The following DNAH14 variants were observed in gnomAD, a reference collection of about 807,000 sequenced individuals.
DNAH14 encodes axonemal beta dynein heavy chain 14.
In DNAH14, 478 loss-of-function variants were observed where a neutral mutation model predicts 520.9. That is an observed-to-expected ratio of 0.92 (90% CI 0.85 to 0.99). The LOEUF is 0.99. DNAH14 is among the 50% of genes least tolerant of loss of function. The pLI, the probability that DNAH14 is intolerant of heterozygous loss-of-function variation, is 0.00. For missense variants in DNAH14, 4,831 were observed against 5,234.5 expected, an observed-to-expected ratio of 0.92 and a Z score of 2.38; for synonymous variants, 1,581 against 1,757.2, an observed-to-expected ratio of 0.90 and a Z score of 2.51.
In DNAH14 at chr1:225,377,031, T is replaced by G. The variant is rs148013020; in HGVS notation, c.12517-206T>G. 8.1e-3 allele frequency among the ~76,000 whole-genome samples: 1,234 copies of G among 152,158 alleles called. 16 individuals are homozygous for G. The highest frequency in any genetic ancestry group is 0.04 in the East Asian group (209 of 5,176). ...GTTATACATGCATATCATATGCACA[T>G]TACAATACAGTAGTCCCAAATGTTG... On this transcript the variant is annotated intron_variant, in intron 78 of 85. Coordinates refer to ENST00000682510, the MANE Select transcript of DNAH14 (RefSeq NM_001367479.1).
intron 54 of DNAH14, among the ~76,000 whole-genome samples, chr1:225,279,811 A>G (rs1051898293): frequency 1.3e-5 from 2 of 151,918 alleles, no homozygotes; most frequent in African/African-American, 4.8e-5. Context: ...AAAGTAGTTA[A>G]TAGGAACTGT....
intron 55 of DNAH14, among the ~76,000 whole-genome samples, chr1:225,291,861 G>A (rs961681084): frequency 1.3e-5 from 2 of 152,066 alleles, no homozygotes; most frequent in East Asian, 3.9e-4. Flanking sequence ...TTGGCCATTT[G>A]TATGTCTTCT....
intron 83 of DNAH14, among the ~76,000 whole-genome samples, chr1:225,391,089 G>A (rs2095904607): frequency 6.6e-6 from 1 of 152,144 alleles, no homozygotes; most frequent in African/African-American, 2.4e-5. Flanking sequence ...GTTCATTATG[G>A]CCAAAACAAA....
intron 79 of DNAH14, among the ~76,000 whole-genome samples, chr1:225,378,680 A>C (rs2095736590): frequency 6.6e-6 from 1 of 152,118 alleles, no homozygotes; most frequent in Non-Finnish European, 1.5e-5. Context: ...CAGGAGTTCA[A>C]GATCAGCCTG....
intron 36 of DNAH14, among the ~76,000 whole-genome samples, chr1:225,174,547 C>T: frequency 6.6e-6 from 1 of 152,204 alleles, no homozygotes; most frequent in East Asian, 1.9e-4. Flanking sequence ...TTATTAAATT[C>T]ATTTATTAGT....
intron 31 of DNAH14, among the ~76,000 whole-genome samples, chr1:225,150,289 G>T (rs1018304574): frequency 6.6e-6 from 1 of 152,120 alleles, no homozygotes; most frequent in African/African-American, 2.4e-5. Context: ...TGCTAGATTC[G>T]ATTTGCCAGT....
intron 22 of DNAH14, among the ~76,000 whole-genome samples, 176 bp from the exon 23 acceptor site, chr1:225,100,537 A>G (rs1213213325): frequency 6.6e-6 from 1 of 152,282 alleles, no homozygotes; most frequent in Admixed American, 6.5e-5. Context: ...ATTTCTTACC[A>G]TGTGCATCAC....
intron 76 of DNAH14, among the ~76,000 whole-genome samples, chr1:225,365,512 A>T (rs146745407): frequency 1.5e-3 from 223 of 152,280 alleles, no homozygotes; most frequent in Middle Eastern, 3.4e-3. Context: ...CAGGTGGATG[A>T]GGCACTTTCC....
chr1:225,056,709 A>T (rs1029736595), intron 17 of DNAH14, among the ~76,000 whole-genome samples: 1 of 152,136 alleles, frequency 6.6e-6, no homozygotes, highest in Non-Finnish European at 1.5e-5. Context: ...ATTTTTGTAT[A>T]AGGTGTAAGG....
At position 225,118,003 on chromosome 1, in the gene DNAH14, T is replaced by C. The variant is rs767497229; in HGVS notation, c.4091+4T>C. 6 of 1,523,308 alleles carry C rather than the reference T, an allele frequency of 3.9e-6. No homozygotes were observed. Among genetic ancestry groups the C allele is most frequent in the South Asian group, 2.4e-5 (2 of 83,502 alleles). The allele number at this position is 1,523,308 out of a possible 1,614,324, so 94.4% of individuals were successfully genotyped here. On this transcript the variant is annotated splice_donor_region_variant and intron_variant, in intron 25 of 85. Transcript: ENST00000682510. Reference sequence around the variant, plus strand: ...GGGAAGGTCTCGTGCTGCCAAAGTATGATAAATGTTACAAACTGTTTAGAT... The same window carrying C: ...GGGAAGGTCTCGTGCTGCCAAAGTACGATAAATGTTACAAACTGTTTAGAT...
At chr1:225,384,364 G>A (rs1445168390) in intron 81 of DNAH14, among the ~76,000 whole-genome samples, 3 of 151,704 alleles carry the variant, frequency 2.0e-5, no homozygotes, top group African/African-American at 7.3e-5. Flanking sequence ...ATTATTGTGT[G>A]GGACACTAAG....
At position 225,322,838 on chromosome 1, in the gene DNAH14, T is replaced by G; in HGVS notation, c.9495+15T>G. 6.5e-7 allele frequency: 1 copy of G among 1,540,396 alleles called. No individual in the cohort carries two copies. The highest frequency in any genetic ancestry group is 8.8e-7 in the Non-Finnish European group (1 of 1,138,300). On this transcript the variant is annotated intron_variant, in intron 62 of 85. Transcript: ENST00000682510. ...TACCTGATAAGGTAAAAAGTTGATC[T>G]CTAATTGATGCATCTCATATTTACA... is the stretch of plus-strand genomic sequence containing the variant.
intron 5 of DNAH14, among the ~76,000 whole-genome samples, chr1:224,965,542 G>C (rs1219130417): frequency 6.6e-6 from 1 of 151,996 alleles, no homozygotes; most frequent in Non-Finnish European, 1.5e-5. Context: ...ATGTGACCGT[G>C]TTCCAATAAA....
At position 224,986,131 on chromosome 1, in the gene DNAH14, A is replaced by T. The variant is rs185430033; in HGVS notation, c.830+11978A>T. Among the ~76,000 whole-genome samples, 700 of 136,098 alleles carry T rather than the reference A, an allele frequency of 5.1e-3. 4 individuals are homozygous for T. Among genetic ancestry groups the T allele is most frequent in the African/African-American group, 0.017 (658 of 38,960 alleles). 89.3% of individuals were successfully genotyped at this position (136,098 alleles called of 152,430 possible). A position where few individuals can be genotyped will look rare whatever the true frequency, so the allele number is the denominator to read the frequency against. On this transcript the variant is annotated intron_variant, in intron 8 of 85. Transcript: ENST00000682510. ...CAAGTAAGAAGATCAAAGCTGTAAT[A>T]AAAAAAAGTCTCTCAGCAAAGAAAA...
intron 17 of DNAH14, among the ~76,000 whole-genome samples, chr1:225,073,719 C>T (rs2071844201): frequency 6.6e-6 from 1 of 152,050 alleles, no homozygotes; most frequent in South Asian, 2.1e-4. Context: ...CAGAGTCTTG[C>T]TCTGTCACCA....
intron 17 of DNAH14, among the ~76,000 whole-genome samples, chr1:225,067,145 G>A (rs970724749): frequency 6.6e-6 from 1 of 152,060 alleles, no homozygotes; most frequent in African/African-American, 2.4e-5. Context: ...AGGCCCCAGT[G>A]TGTGTTGTTC....
At chr1:225,180,274 C>T (rs1164453630) in intron 36 of DNAH14, among the ~76,000 whole-genome samples, 3 of 152,274 alleles carry the variant, frequency 2.0e-5, no homozygotes, top group East Asian at 3.9e-4. Context: ...GTTCCACAGA[C>T]GTCATGAGCA....
intron 11 of DNAH14, among the ~76,000 whole-genome samples, chr1:225,025,323 T>G (rs1371257094): frequency 2.6e-5 from 3 of 116,164 alleles, no homozygotes; most frequent in Admixed American, 2.0e-4. Flanking sequence ...CAGAGTGAGA[T>G]CTTATCTCAA....
intron 8 of DNAH14, among the ~76,000 whole-genome samples, chr1:225,002,003 T>C (rs1363996198): frequency 6.6e-6 from 1 of 152,118 alleles, no homozygotes; most frequent in African/African-American, 2.4e-5. Context: ...CTTTATAATA[T>C]ATAAAGCCCT....
Sources: gnomAD v4.1 joint callset for allele counts (sites outside exome capture counted in the v4.1 genomes callset) on GRCh38, gnomAD v4.1.1 for gene constraint, MANE v1.5 for transcripts, NCBI Gene and HGNC (gene_info 2026-07-23, HGNC 2026-07-21) for gene names.